The following MYOM2 variants were observed in gnomAD, a reference collection of about 807,000 sequenced individuals.
MYOM2 encodes the protein myomesin 2.
Under a neutral mutation model 187.6 loss-of-function variants are expected in MYOM2, and 254 were observed. The observed-to-expected ratio is 1.35, with a 90% confidence interval of 1.22 to 1.50. MYOM2 has a LOEUF of 1.50. MYOM2 is among the 40% of genes most tolerant of loss of function. The pLI is 0.00. For synonymous variants in MYOM2, 981 were observed against 753.8 expected, an observed-to-expected ratio of 1.30 and a Z score of -4.94; for missense variants, 2,796 against 1,924.0, an observed-to-expected ratio of 1.45 and a Z score of -8.48.
At chr8:2,096,608 T>C (rs1796496118) in intron 18 of MYOM2, among the ~76,000 whole-genome samples, 174 bp downstream of exon 18, 1 of 152,228 alleles carries the variant, frequency 6.6e-6, no homozygotes, top group South Asian at 2.1e-4. Flanking sequence ...GGAATCATAT[T>C]CTTTTTCTTT....
At chr8:2,141,000 T>C (rs1798255720) in intron 33 of MYOM2, 114 bp downstream of exon 33, 3 of 1,348,620 alleles carry the variant, frequency 2.2e-6, no homozygotes, top group Non-Finnish European at 3.0e-6. Context: ...ACAATTTTCA[T>C]TTAGAGAAAA....
chr8:2,121,573 GT>G (rs1391769186), intron 28 of MYOM2, among the ~76,000 whole-genome samples: 4 of 152,176 alleles, frequency 2.6e-5, no homozygotes, highest in Non-Finnish European at 4.4e-5. Context: ...CTGTGATTCG[GT>G]GCACCATTTT....
In MYOM2 at chr8:2,104,477, C is replaced by T. The variant is rs564239360; in HGVS notation, c.2734+1696C>T. On this transcript the variant is annotated intron_variant, in intron 21 of 36. Coordinates refer to ENST00000262113, the MANE Select transcript of MYOM2 (RefSeq NM_003970.4). ...AGAATTAGCTGGGCATGGTGTTGGG[C>T]GCCTGTAGTCCCAGCTACTCAGGAG... 5.3e-5 allele frequency among the ~76,000 whole-genome samples: 8 copies of T among 151,944 alleles called. No homozygotes were observed. The South Asian group carries it at 8.3e-4, about 16-fold the overall frequency.
At chr8:2,116,971 A>G (rs140657285) in intron 27 of MYOM2, among the ~76,000 whole-genome samples, 2,338 of 152,124 alleles carry the variant, frequency 0.015, 51 homozygotes, top group African/African-American at 0.05. Flanking sequence ...CACCGTGTTA[A>G]CCAGGATGGT....
At position 2,108,847 on chromosome 8, in the gene MYOM2, C is replaced by A. The variant is rs775831938; in HGVS notation, c.3043+17C>A. The A allele has an allele frequency of 3.7e-6, 6 of 1,613,382 alleles. No individual in the cohort carries two copies. In the East Asian group the frequency reaches 1.3e-4, roughly 36 times the overall value. On this transcript the variant is annotated intron_variant, in intron 24 of 36. Transcript: ENST00000262113. ...AGAACCCCAGTAAGTAAGCCTCCAG[C>A]CCTTCCCCTCTGCTTGCAGCTGCTG...
chr8:2,126,541 C>T (rs1404115823), intron 31 of MYOM2, among the ~76,000 whole-genome samples: 1 of 152,214 alleles, frequency 6.6e-6, no homozygotes. Context: ...CACACACTTA[C>T]TCATATGGGC....
chr8:2,099,009 G>A lies in MYOM2; in HGVS notation c.2440+26G>A, dbSNP rs372733689. ...GTGAGTCGCTGCCCCCAGGACACCC[G>A]CGTTCCAGCGCACAGGCTGGCTGGG... On this transcript the variant is annotated intron_variant, in intron 19 of 36. Coordinates refer to ENST00000262113, the MANE Select transcript of MYOM2 (RefSeq NM_003970.4). 9.9e-5 allele frequency: 157 copies of A among 1,579,080 alleles called. 1 individual carries two copies. The highest frequency in any genetic ancestry group is 8.6e-5 in the Admixed American group (5 of 57,932).
In MYOM2 at chr8:2,144,978, G is replaced by A; in HGVS notation, c.4395G>A (p.Gln1465=). ...LIPASASAAG[Q] is the part of the protein sequence containing the mutation. ...CCGCGTCTGCCTCAGCGGCAGGCCA[G>A]TGAAGGCGTTTTCCTAGCCTGGAGA... Residue 1465 remains glutamine, a synonymous_variant, in exon 37 of 37, where the codon CAG becomes CAA. Transcript: ENST00000262113. 1.2e-6 allele frequency: 2 copies of A among 1,613,336 alleles called. No individual in the cohort carries two copies. The highest frequency in any genetic ancestry group is 1.7e-6 in the Non-Finnish European group (2 of 1,179,804).
chr8:2,085,441 A>C (rs1251891885), intron 14 of MYOM2, 51 bp downstream of exon 14: 2 of 1,594,678 alleles, frequency 1.3e-6, no homozygotes, highest in Non-Finnish European at 1.7e-6. Flanking sequence ...ATGGCCCCCC[A>C]CTGTCATGAT....
chr8:2,090,030 G>T lies in MYOM2; in HGVS notation c.1667G>T (p.Trp556Leu), dbSNP rs1796242545. Residue 556 changes from tryptophan to leucine, a missense_variant, in exon 15 of 37, where the codon TGG becomes TTG. Coordinates refer to ENST00000262113, the MANE Select transcript of MYOM2 (RefSeq NM_003970.4). ...IEKSVVGSGS[W>L]QRVNAQTAVR... ...TAGTCCGTGGTGGGGAGCGGCAGCTGGCAGAGAGTCAACGCCCAGACGGCT... is the reference window on the plus strand; with the variant it reads ...TAGTCCGTGGTGGGGAGCGGCAGCTTGCAGAGAGTCAACGCCCAGACGGCT... 6.2e-7 allele frequency: 1 copy of T among 1,613,802 alleles called. No homozygotes were observed. The highest frequency in any genetic ancestry group is 8.5e-7 in the Non-Finnish European group (1 of 1,179,948).
intron 25 of MYOM2, among the ~76,000 whole-genome samples, chr8:2,110,894 G>T (rs1368512049): frequency 6.6e-6 from 1 of 152,160 alleles, no homozygotes; most frequent in Non-Finnish European, 1.5e-5. Context: ...TTTCCCATGA[G>T]AATCATGACA....
At position 2,052,266 on chromosome 8, in the gene MYOM2, G is replaced by T. The variant is rs1181829160; in HGVS notation, c.216G>T (p.Ala72=). The change falls in exon 3 of 37, where the codon GCG becomes GCT. Residue 72 remains alanine (A), a synonymous_variant. Coordinates refer to ENST00000262113, the MANE Select transcript of MYOM2 (RefSeq NM_003970.4). ...GAGGAACCATCTGCAGGGTCTGTGC[G>T]AAGCGAGTGAGCACGCAGGAAGATG... ...SLGGTICRVC[A]KRVSTQEDEE... 3 of 1,610,978 alleles carry T rather than the reference G, an allele frequency of 1.9e-6. No homozygotes were observed. The highest frequency in any genetic ancestry group is 3.4e-5 in the Admixed American group (2 of 59,588).
chr8:2,091,787 C>T (rs7830693), intron 15 of MYOM2, among the ~76,000 whole-genome samples: 6,497 of 152,252 alleles, frequency 0.043, 482 homozygotes, highest in African/African-American at 0.15. Context: ...GTGTCCATCA[C>T]TGAGACACAC....
intron 11 of MYOM2, among the ~76,000 whole-genome samples, chr8:2,077,372 C>T (rs936647481): frequency 4.6e-5 from 7 of 151,944 alleles, no homozygotes; most frequent in African/African-American, 1.7e-4. Flanking sequence ...AGGATGGTTC[C>T]TGGTAGAAAT....
Position 2,142,413 on chromosome 8 carries a change from A to G in MYOM2, c.4024+16A>G. 2 of 1,613,250 alleles carry G rather than the reference A, an allele frequency of 1.2e-6. No homozygotes were observed. The highest frequency in any genetic ancestry group is 1.6e-4 in the Middle Eastern group (1 of 6,062). ...GCAGAGAAGAGTAAGTACCTGTTGG[A>G]TTGTAACCAGGATGGTGAATTATTT... On this transcript the variant is annotated intron_variant, in intron 35 of 36. Transcript: ENST00000262113.
intron 8 of MYOM2, among the ~76,000 whole-genome samples, chr8:2,071,168 T>G (rs1819202296): frequency 6.6e-6 from 1 of 151,944 alleles, no homozygotes; most frequent in Non-Finnish European, 1.5e-5. Flanking sequence ...TATTTTTTTT[T>G]GCATTTTGTA....
chr8:2,138,969 ACCACCACCAGAGACCCGACACACAC>A (rs1798178167), intron 32 of MYOM2, among the ~76,000 whole-genome samples: 2 of 145,794 alleles, frequency 1.4e-5, no homozygotes, highest in Admixed American at 1.4e-4. Context: ...CACTGCCAGC[ACCACCACCAGAGACCCGACACACAC>A]TGCCAGCACC....
At chr8:2,089,657 T>A (rs1796226348) in intron 14 of MYOM2, among the ~76,000 whole-genome samples, 1 of 152,248 alleles carries the variant, frequency 6.6e-6, no homozygotes, top group African/African-American at 2.4e-5. Flanking sequence ...CAGAATTTTA[T>A]GAATATACTT....
chr8:2,058,806 T>G (rs915304658), intron 5 of MYOM2, among the ~76,000 whole-genome samples: 2 of 152,192 alleles, frequency 1.3e-5, no homozygotes, highest in African/African-American at 4.8e-5. Context: ...CAGAACTCCC[T>G]GAGACACTAG....
Sources: allele counts gnomAD v4.1 joint callset (sites outside exome capture counted in the v4.1 genomes callset), GRCh38; gene constraint gnomAD v4.1.1; transcripts MANE v1.5; gene names NCBI Gene and HGNC (gene_info 2026-07-23, HGNC 2026-07-21).